LTV1: variants seen among roughly 807,000 people sequenced by gnomAD.
The protein encoded by LTV1 is LTV1 ribosome biogenesis factor.
In LTV1, 39 loss-of-function variants were observed where a neutral mutation model predicts 59.9. The observed-to-expected ratio is 0.65, with a 90% CI of 0.50 to 0.85. LTV1 has a LOEUF of 0.85. Among genes scored for constraint, LTV1 ranks in the 40% least tolerant of loss-of-function variants. LTV1 has a pLI of 0.00. For synonymous variants in LTV1, 171 were observed against 189.5 expected (o/e 0.90, Z 0.80); for missense variants, 493 against 549.1 (o/e 0.90, Z 1.02).
In LTV1 at chr6:143,857,392, T is replaced by C. The variant is rs1777094636; in HGVS notation, c.487T>C (p.Phe163Leu). The change falls in exon 5 of 11, where the codon TTT becomes CTT. Residue 163 changes from phenylalanine to leucine, a missense_variant. Coordinates refer to ENST00000367576, the MANE Select transcript of LTV1 (RefSeq NM_032860.5). This position sits in a 1 kb window ranked among gnomAD's most constrained non-coding sequence, Gnocchi z 5.2. The stretch of plus-strand genomic sequence containing the variant: ...TCCAGATAATCTGCTTGAGGATGAC[T>C]TTATTCTTCAGGCCAATAAGGCAAC... Reference protein sequence around the residue: ...DDPDNLLEDDFILQANKATGE... With the variant: ...DDPDNLLEDDLILQANKATGE... The C allele has an allele frequency of 6.2e-7, 1 of 1,613,974 alleles. No individual in the cohort carries two copies.
At position 143,844,619 on chromosome 6, in the gene LTV1, T is replaced by C. The variant is rs563106318; in HGVS notation, c.135+2T>C. 5.0e-6 allele frequency: 8 copies of C among 1,613,170 alleles called. No individual in the cohort carries two copies. The highest frequency in any genetic ancestry group is 2.7e-5 in the African/African-American group (2 of 74,954). On this transcript the variant is annotated splice_donor_variant, in intron 2 of 10. Transcript: ENST00000367576. LOFTEE classifies it high-confidence loss of function. Reference sequence around the variant, plus strand: ...AGGGTTCTATTGCCCACACAAAAAGTAGGTCCTGTTCTTTAGCCAGTCAGT... The same window carrying C: ...AGGGTTCTATTGCCCACACAAAAAGCAGGTCCTGTTCTTTAGCCAGTCAGT...
At chr6:143,851,586 T>A (rs188953071) in intron 4 of LTV1, among the ~76,000 whole-genome samples, 2,185 of 152,162 alleles carry the variant, frequency 0.014, 45 homozygotes, top group African/African-American at 0.05. Flanking sequence ...TTTTTTTTTT[T>A]AAATTATACT....
rs1776887703 is a variant in LTV1 at position 143,846,187 on chromosome 6, A to G, written c.272A>G (p.Asn91Ser). The G allele has an allele frequency of 1.2e-6, 2 of 1,613,794 alleles. No individual in the cohort carries two copies. The highest frequency in any genetic ancestry group is 1.7e-6 in the Non-Finnish European group (2 of 1,179,900). ...CCCTCAAGTACCTTCAGTGCACACA[A>G]CAGGAGAGAGGAGAAAGAAGAAACG... ...LIPSSTFSAH[N>S]RREEKEETLV... is the part of the protein sequence containing the mutation. Residue 91 changes from asparagine (N) to serine (S), a missense_variant, in exon 3 of 11, where the codon AAC becomes AGC. Asn to Ser is a conservative substitution (Grantham distance 46). Coordinates refer to ENST00000367576, the MANE Select transcript of LTV1 (RefSeq NM_032860.5).
intron 3 of LTV1, among the ~76,000 whole-genome samples, chr6:143,847,250 A>T (rs996445571): frequency 2.6e-5 from 4 of 152,186 alleles, no homozygotes; most frequent in African/African-American, 9.7e-5. Context: ...TCTATAACCT[A>T]TTGAAGGAGA....
intron 1 of LTV1, among the ~76,000 whole-genome samples, chr6:143,844,239 T>C (rs938604475): frequency 6.6e-6 from 1 of 152,256 alleles, no homozygotes; most frequent in Non-Finnish European, 1.5e-5. Context: ...TTTATCTGAC[T>C]TTCCCACTTC....
chr6:143,860,534 T>A lies in LTV1; in HGVS notation c.904T>A (p.Tyr302Asn). Residue 302 changes from tyrosine to asparagine, a missense_variant, in exon 7 of 11, where the codon TAT (tyrosine) becomes AAT (asparagine). Coordinates refer to ENST00000367576, the MANE Select transcript of LTV1 (RefSeq NM_032860.5). ...CTTACAGGAAGTTTTGAATGACTACTATAAAGAGAAGGCAGAGAAGTATAG... is the reference window on the plus strand; with the variant it reads ...CTTACAGGAAGTTTTGAATGACTACAATAAAGAGAAGGCAGAGAAGTATAG... Reference protein sequence around the residue: ...NRLQEVLNDYYKEKAENCVKL... With the variant: ...NRLQEVLNDYNKEKAENCVKL... 6.2e-7 allele frequency: 1 copy of A among 1,613,126 alleles called. No homozygotes were observed. Among genetic ancestry groups the A allele is most frequent in the East Asian group, 2.2e-5 (1 of 44,764 alleles).
In LTV1 at chr6:143,863,159, A is replaced by AG; in HGVS notation, c.1191dup (p.Gln398AlafsTer3). The AG allele has an allele frequency of 6.2e-7, 1 of 1,614,070 alleles. No homozygotes were observed. Among genetic ancestry groups the AG allele is most frequent in the Non-Finnish European group, 8.5e-7 (1 of 1,179,952 alleles). On this transcript the variant is annotated frameshift_variant, in exon 10 of 11. Coordinates refer to ENST00000367576, the MANE Select transcript of LTV1 (RefSeq NM_032860.5). LOFTEE classifies it high-confidence loss of function. This position sits in a 1 kb window ranked among gnomAD's most constrained non-coding sequence, Gnocchi z 4.5. Reference sequence around the variant, plus strand: ...TTACCAAAGAAAGGACTCACAGCAAAGCAAACTGAAAGAATACAGATGATT... The same window carrying AG: ...TTACCAAAGAAAGGACTCACAGCAAAGGCAAACTGAAAGAATACAGATGATT...
intron 7 of LTV1, among the ~76,000 whole-genome samples, chr6:143,861,205 A>AT (rs565710257): frequency 3.1e-4 from 47 of 151,336 alleles, no homozygotes; most frequent in African/African-American, 1.0e-3. Flanking sequence ...CCAATTTTTA[A>AT]TTTTTTTTTA....
rs577385075 is a variant in LTV1, at chr6:143,854,502, T to A, written c.398-2801T>A. On this transcript the variant is annotated intron_variant, in intron 4 of 10. Coordinates refer to ENST00000367576, the MANE Select transcript of LTV1 (RefSeq NM_032860.5). ...TTGTCTTCTAGGTTTTGAATTTGTT[T>A]GCTCTTGTTTCTCTACTTCTTTTAA... Among the ~76,000 whole-genome samples, 66 of 152,350 alleles carry A rather than the reference T, an allele frequency of 4.3e-4. No individual in the cohort carries two copies. In the Middle Eastern group the frequency reaches 0.017, roughly 39 times the overall value.
intron 4 of LTV1, among the ~76,000 whole-genome samples, chr6:143,853,887 A>G (rs574694814): frequency 1.3e-5 from 2 of 152,344 alleles, no homozygotes; most frequent in Admixed American, 1.3e-4. Context: ...ATTGATGTTC[A>G]TCAGGGATAT....
chr6:143,846,560 T>C (rs1368021424), intron 3 of LTV1, among the ~76,000 whole-genome samples: 1 of 152,246 alleles, frequency 6.6e-6, no homozygotes, highest in Non-Finnish European at 1.5e-5. Flanking sequence ...CATAAACTCT[T>C]GTTCTAAGAT....
chr6:143,855,893 A>G lies in LTV1; in HGVS notation c.398-1410A>G, dbSNP rs1001699606. On this transcript the variant is annotated intron_variant, in intron 4 of 10. Transcript: ENST00000367576. The surrounding 1 kb of genome is among the most constrained non-coding windows in gnomAD (Gnocchi z 4.6). ...CCTTAACATTTTTTTCTTCATTTCAACCTTCGTGAATCTGACGATTATGTG... is the reference window on the plus strand; with the variant it reads ...CCTTAACATTTTTTTCTTCATTTCAGCCTTCGTGAATCTGACGATTATGTG... 4.0e-5 allele frequency among the ~76,000 whole-genome samples: 6 copies of G among 151,330 alleles called. No homozygotes were observed. The highest frequency in any genetic ancestry group is 3.9e-4 in the Admixed American group (6 of 15,206).
At position 143,857,741 on chromosome 6, in the gene LTV1, C is replaced by G. The variant is rs780388649; in HGVS notation, c.540-11C>G. ...GTTGTTTTGGTAGGTAATTTATGAC[C>G]TTTACTTTAGGAAATCTGAGAATGA... On this transcript the variant is annotated splice_polypyrimidine_tract_variant and intron_variant, in intron 5 of 10. Transcript: ENST00000367576. The surrounding 1 kb of genome is among the most constrained non-coding windows in gnomAD (Gnocchi z 5.2). The G allele has an allele frequency of 6.2e-7, 1 of 1,613,538 alleles. No individual in the cohort carries two copies. The highest frequency in any genetic ancestry group is 1.1e-5 in the South Asian group (1 of 91,062).
chr6:143,846,326 C>A, intron 3 of LTV1, 102 bp downstream of exon 3: 3 of 1,073,544 alleles, frequency 2.8e-6, no homozygotes, highest in Non-Finnish European at 4.0e-6. Context: ...ATGAAGAGCA[C>A]AAAGATAGAC....
chr6:143,846,441 A>G (rs548423887), intron 3 of LTV1, among the ~76,000 whole-genome samples: 2 of 152,296 alleles, frequency 1.3e-5, no homozygotes, highest in East Asian at 1.9e-4. Flanking sequence ...CAGCCTTTTT[A>G]TAGGTTCAGA....
Position 143,862,257 on chromosome 6 carries a change from C to G in LTV1, c.1063+14C>G. 2 of 1,608,138 alleles carry G rather than the reference C, an allele frequency of 1.2e-6. No homozygotes were observed. Among genetic ancestry groups the G allele is most frequent in the Non-Finnish European group, 1.7e-6 (2 of 1,175,094 alleles). ...AATCTATTTGTAGTAAGTATATTCA[C>G]TTTATGATAGTAATTTTAAAGTATT... On this transcript the variant is annotated intron_variant, in intron 8 of 10. Transcript: ENST00000367576. The surrounding 1 kb of genome is among the most constrained non-coding windows in gnomAD (Gnocchi z 4.2).
At position 143,855,910 on chromosome 6, in the gene LTV1, G is replaced by A. The variant is rs192200817; in HGVS notation, c.398-1393G>A. On this transcript the variant is annotated intron_variant, in intron 4 of 10. Coordinates refer to ENST00000367576, the MANE Select transcript of LTV1 (RefSeq NM_032860.5). This position sits in a 1 kb window ranked among gnomAD's most constrained non-coding sequence, Gnocchi z 4.6. ...TCATTTCAACCTTCGTGAATCTGAC[G>A]ATTATGTGTCTTGGGGTTGCTCTTC... Among the ~76,000 whole-genome samples the A allele has an allele frequency of 1.3e-4, 19 of 151,990 alleles. No homozygotes were observed. The highest frequency in any genetic ancestry group is 9.8e-4 in the Admixed American group (15 of 15,270).
chr6:143,858,392 T>G, intron 6 of LTV1: 1 of 188,078 alleles, frequency 5.3e-6, no homozygotes, highest in South Asian at 1.1e-4. Flanking sequence ...TCACTTGAGT[T>G]TCTATTTGGC....
rs748755588 is a variant in LTV1, at chr6:143,843,465, G to C, written c.-13G>C. ...GCCGCCCCTGTTGGGGGTGAGCGCC[G>C]CGCGGCTGCAGCATGGTGAGCAAGC... On this transcript the variant is annotated 5_prime_UTR_variant, in exon 1 of 11. Transcript: ENST00000367576. 1.9e-6 allele frequency: 3 copies of C among 1,613,176 alleles called. No homozygotes were observed. The highest frequency in any genetic ancestry group is 2.7e-5 in the African/African-American group (2 of 74,928).
Sources: allele counts gnomAD v4.1 joint callset (sites outside exome capture counted in the v4.1 genomes callset), GRCh38; gene constraint gnomAD v4.1.1; non-coding constraint Gnocchi (gnomAD v3.1); transcripts MANE v1.5; gene names NCBI Gene and HGNC (gene_info 2026-07-23, HGNC 2026-07-21).